Variants in CACNA1I observed in about 807,000 individuals in gnomAD.
The protein encoded by CACNA1I is voltage-dependent T-type calcium channel subunit alpha-1I.
Under a neutral mutation model 201.6 loss-of-function variants are expected in CACNA1I, and 74 were observed. That is an observed-to-expected ratio of 0.37 (90% CI 0.30 to 0.45). The LOEUF (loss-of-function observed/expected upper bound fraction) is 0.45, where lower values mean the gene tolerates loss of function less well. Ranked by LOEUF, CACNA1I falls within the 20% of genes least tolerant of loss-of-function variation. CACNA1I has a pLI of 1.00. For synonymous variants in CACNA1I, 1,431 were observed against 1,345.2 expected (o/e 1.06, Z -1.40); for missense variants, 2,346 against 3,138.1 (o/e 0.75, Z 6.03).
chr22:39,572,990 G>A (rs914545324), intron 1 of CACNA1I, among the ~76,000 whole-genome samples: 9 of 152,060 alleles, frequency 5.9e-5, no homozygotes, highest in Admixed American at 1.3e-4. Flanking sequence ...CTCCTGACTC[G>A]TGAACCGCCT....
intron 1 of CACNA1I, among the ~76,000 whole-genome samples, chr22:39,576,751 C>G (rs537963262): frequency 6.6e-6 from 1 of 152,254 alleles, no homozygotes; most frequent in Non-Finnish European, 1.5e-5. Flanking sequence ...AAGTTGGGCA[C>G]CAGGTCTGGA....
chr22:39,619,992 T>C (rs1933681197), intron 4 of CACNA1I, among the ~76,000 whole-genome samples: 1 of 136,620 alleles, frequency 7.3e-6, no homozygotes, highest in African/African-American at 2.8e-5. Flanking sequence ...TCCATCTACC[T>C]GTCCACCCAT....
chr22:39,583,084 CAAT>C (rs2145807209), intron 1 of CACNA1I, among the ~76,000 whole-genome samples: 3 of 128,554 alleles, frequency 2.3e-5, no homozygotes, highest in Admixed American at 7.5e-5. Context: ...ATCCATCCAA[CAAT>C]CCGTCCATTC....
At chr22:39,683,512 C>T (rs993283485) in intron 35 of CACNA1I, among the ~76,000 whole-genome samples, 8 of 152,220 alleles carry the variant, frequency 5.3e-5, no homozygotes, top group Admixed American at 6.5e-5. Context: ...AGAGCCATTC[C>T]GGTGGAATGC....
At chr22:39,613,955 A>G (rs1459354812) in intron 3 of CACNA1I, among the ~76,000 whole-genome samples, 1 of 152,084 alleles carries the variant, frequency 6.6e-6, no homozygotes, top group Non-Finnish European at 1.5e-5. Flanking sequence ...CTCTTCCCTC[A>G]GCCTCTTGAG....
intron 2 of CACNA1I, among the ~76,000 whole-genome samples, chr22:39,600,133 T>G (rs900889106): frequency 6.6e-6 from 1 of 152,166 alleles, no homozygotes; most frequent in Non-Finnish European, 1.5e-5. Flanking sequence ...GGACTACCCA[T>G]GGGGTCCTTG....
Position 39,686,542 on chromosome 22 carries a change from G to A in CACNA1I, c.*137G>A. On this transcript the variant is annotated 3_prime_UTR_variant, in exon 37 of 37. Transcript: ENST00000402142. ...GCAGGGCACAGGCGCCCGACAGCCG[G>A]GCTGAGCGGAGTCTGGGTTAGCCAG... The A allele has an allele frequency of 3.3e-6, 2 of 612,924 alleles. No individual in the cohort carries two copies. The highest frequency in any genetic ancestry group is 5.7e-4 in the Middle Eastern group (1 of 1,756). The allele number at this position is 612,924 out of a possible 1,614,324, so 38.0% of individuals were successfully genotyped here.
chr22:39,648,068 G>A lies in CACNA1I; in HGVS notation c.1567+142G>A, dbSNP rs1314412874. The A allele has an allele frequency of 1.4e-6, 1 of 718,584 alleles. No homozygotes were observed. Among genetic ancestry groups the A allele is most frequent in the African/African-American group, 1.8e-5 (1 of 56,336 alleles). The allele number at this position is 718,584 out of a possible 1,614,324, so 44.5% of individuals were successfully genotyped here. A position where few individuals can be genotyped will look rare whatever the true frequency, so the allele number is the denominator to read the frequency against. ...CTGCAGGCCTGTCTCCCTCTATAAA[G>A]TGAGGACAGGGGCCCCCAGCACGTG... On this transcript the variant is annotated intron_variant, in intron 9 of 36. Coordinates refer to ENST00000402142, the MANE Select transcript of CACNA1I (RefSeq NM_021096.4). The surrounding 1 kb of genome is among the most constrained non-coding windows in gnomAD (Gnocchi z 5.4).
chr22:39,661,347 T>A (rs1318465568), intron 16 of CACNA1I, 37 bp downstream of exon 16: 1 of 1,464,294 alleles, frequency 6.8e-7, no homozygotes, highest in East Asian at 2.3e-5. Context: ...GGGCGCTTCC[T>A]GCTGGGGTGT....
At chr22:39,640,111 C>T (rs547083615) in intron 5 of CACNA1I, among the ~76,000 whole-genome samples, 18 of 152,150 alleles carry the variant, frequency 1.2e-4, no homozygotes, top group South Asian at 8.3e-4. Context: ...AAGGGCAGCC[C>T]GGCTCGGTGG....
intron 3 of CACNA1I, among the ~76,000 whole-genome samples, chr22:39,615,758 C>G (rs1341744365): frequency 1.3e-5 from 2 of 152,074 alleles, no homozygotes; most frequent in Non-Finnish European, 2.9e-5. Flanking sequence ...TCTTATTCCC[C>G]CAGGCAGGAG....
At chr22:39,580,730 G>C (rs539676763) in intron 1 of CACNA1I, among the ~76,000 whole-genome samples, 12 of 152,170 alleles carry the variant, frequency 7.9e-5, no homozygotes, top group Non-Finnish European at 1.6e-4. Context: ...GTGTCTAGCA[G>C]GGGTGGGACT....
chr22:39,647,450 G>C lies in CACNA1I; in HGVS notation c.1463-372G>C, dbSNP rs73424202. Among the ~76,000 whole-genome samples, 1,456 of 152,232 alleles carry C rather than the reference G, an allele frequency of 9.6e-3. 17 individuals are homozygous for C. The highest frequency in any genetic ancestry group is 0.033 in the African/African-American group (1,387 of 41,544). ...TTTTTTGTTGTTGTTGTTAAGACAGGGTCACCCAGGGAGTACAGTGACACA... is the reference window on the plus strand; with the variant it reads ...TTTTTTGTTGTTGTTGTTAAGACAGCGTCACCCAGGGAGTACAGTGACACA... On this transcript the variant is annotated intron_variant, in intron 8 of 36. Transcript: ENST00000402142.
chr22:39,679,020 T>C, intron 31 of CACNA1I, 87 bp from the exon 32 acceptor site: 1 of 1,051,708 alleles, frequency 9.5e-7, no homozygotes, highest in East Asian at 2.7e-5. Flanking sequence ...TCTTGCTGCC[T>C]CCGAGCGTGG....
intron 1 of CACNA1I, among the ~76,000 whole-genome samples, chr22:39,576,629 A>C (rs568850968): frequency 6.6e-6 from 1 of 152,302 alleles, no homozygotes; most frequent in African/African-American, 2.4e-5. Context: ...GTCGGCTGTG[A>C]AGGCCGCCTC....
chr22:39,675,869 T>C (rs1379507611), intron 29 of CACNA1I, among the ~76,000 whole-genome samples: 2 of 152,208 alleles, frequency 1.3e-5, no homozygotes, highest in African/African-American at 4.8e-5. Flanking sequence ...GTGTGTGGGA[T>C]TGGAAGATCA....
intron 1 of CACNA1I, among the ~76,000 whole-genome samples, chr22:39,592,562 C>T (rs533203093): frequency 6.6e-6 from 1 of 152,278 alleles, no homozygotes; most frequent in African/African-American, 2.4e-5. Context: ...GTGAAGTAGG[C>T]GAGGCAGCTG....
intron 3 of CACNA1I, among the ~76,000 whole-genome samples, chr22:39,609,004 G>A (rs1361392739): frequency 1.3e-5 from 2 of 152,190 alleles, no homozygotes; most frequent in Non-Finnish European, 1.5e-5. Flanking sequence ...CCCTGCTGAG[G>A]TTGCTGGCTG....
intron 7 of CACNA1I, among the ~76,000 whole-genome samples, chr22:39,645,882 A>C (rs713938): frequency 6.7e-4 from 102 of 152,212 alleles, no homozygotes; most frequent in African/African-American, 2.4e-3. Context: ...GCAAGCACAG[A>C]TAAAGCCACA....
Sources: gnomAD v4.1 joint callset for allele counts (sites outside exome capture counted in the v4.1 genomes callset) on GRCh38, gnomAD v4.1.1 for gene constraint, Gnocchi (gnomAD v3.1) non-coding constraint, MANE v1.5 for transcripts, NCBI Gene and HGNC (gene_info 2026-07-23, HGNC 2026-07-21) for gene names.